ME3: variants seen among roughly 807,000 people sequenced by gnomAD.
The protein encoded by ME3 is malic enzyme 3.
In ME3, 48 loss-of-function variants were observed where a neutral mutation model predicts 68.9. That is an observed-to-expected ratio of 0.70 (90% CI 0.55 to 0.89). The LOEUF (loss-of-function observed/expected upper bound fraction) is 0.89. Among genes scored for constraint, ME3 ranks in the 40% least tolerant of loss-of-function variants. The pLI, the probability that ME3 is intolerant of heterozygous loss-of-function variation, is 0.00. For missense variants in ME3, 675 were observed against 797.4 expected, an observed-to-expected ratio of 0.85 and a Z score of 1.85; for synonymous variants, 320 against 318.8, an observed-to-expected ratio of 1.00 and a Z score of -0.04.
downstream of ME3, chr11:86,436,412 C>G (rs1948897983): frequency 6.6e-6 from 1 of 151,872 alleles, no homozygotes; most frequent in African/African-American, 2.4e-5. Context: ...GATCCAGTGT[C>G]TTCGTCAGAT....
At chr11:86,527,122 G>C (rs556904672) in intron 4 of ME3, among the ~76,000 whole-genome samples, 17 of 152,248 alleles carry the variant, frequency 1.1e-4, no homozygotes, top group African/African-American at 3.9e-4. Context: ...CTTGAAAAAA[G>C]ATTAGACAAA....
chr11:86,494,591 T>G (rs1200224913), intron 6 of ME3, among the ~76,000 whole-genome samples: 1 of 152,008 alleles, frequency 6.6e-6, no homozygotes, highest in East Asian at 1.9e-4. Flanking sequence ...CTCCCTGACA[T>G]AAGGATCAGA....
intron 2 of ME3, among the ~76,000 whole-genome samples, chr11:86,615,419 T>G (rs1028022565): frequency 6.6e-6 from 1 of 152,180 alleles, no homozygotes; most frequent in Non-Finnish European, 1.5e-5. Context: ...ATTTTATGGA[T>G]GAAGAAATGG....
chr11:86,541,297 A>G (rs1203762604), intron 4 of ME3, among the ~76,000 whole-genome samples: 9 of 151,924 alleles, frequency 5.9e-5, no homozygotes, highest in Admixed American at 5.9e-4. Context: ...CAGTGAGAGA[A>G]CCGTTCACTT....
intron 2 of ME3, among the ~76,000 whole-genome samples, chr11:86,586,817 TAAGC>T (rs1011774442): frequency 8.5e-5 from 13 of 152,150 alleles, no homozygotes; most frequent in African/African-American, 3.1e-4. Context: ...AGTGAAATAA[TAAGC>T]AACCTCCATA....
At chr11:86,581,151 A>T (rs185520263) in intron 2 of ME3, among the ~76,000 whole-genome samples, 1 of 152,324 alleles carries the variant, frequency 6.6e-6, no homozygotes, top group East Asian at 1.9e-4. Context: ...TATAGATTTC[A>T]GTAGAAAATA....
intron 2 of ME3, among the ~76,000 whole-genome samples, chr11:86,561,583 A>G (rs1367190011): frequency 6.6e-6 from 1 of 152,156 alleles, no homozygotes; most frequent in Non-Finnish European, 1.5e-5. Context: ...TAGCCCCATC[A>G]CCTTGCTAAA....
chr11:86,467,632 G>T (rs1208749163), intron 7 of ME3, among the ~76,000 whole-genome samples: 1 of 147,010 alleles, frequency 6.8e-6, no homozygotes, highest in Non-Finnish European at 1.5e-5. Context: ...AACGTTTTCT[G>T]TCTCTCTCTG....
At chr11:86,581,275 G>T (rs1185264469) in intron 2 of ME3, among the ~76,000 whole-genome samples, 1 of 152,152 alleles carries the variant, frequency 6.6e-6, no homozygotes, top group African/African-American at 2.4e-5. Context: ...GTACTAGCTT[G>T]TGGTATAAAG....
chr11:86,536,836 C>T (rs1021315942), intron 4 of ME3, among the ~76,000 whole-genome samples: 12 of 152,192 alleles, frequency 7.9e-5, no homozygotes, highest in South Asian at 2.1e-4. Flanking sequence ...CACATGCACA[C>T]GTATGTTTAT....
intron 2 of ME3, among the ~76,000 whole-genome samples, chr11:86,622,457 A>G (rs1414592168): frequency 6.6e-6 from 1 of 151,996 alleles, no homozygotes; most frequent in Non-Finnish European, 1.5e-5. Flanking sequence ...AGTGTCTGTT[A>G]GAACAGGTGG....
At chr11:86,635,854 A>G (rs936393228) in intron 2 of ME3, among the ~76,000 whole-genome samples, 1 of 152,254 alleles carries the variant, frequency 6.6e-6, no homozygotes, top group African/African-American at 2.4e-5. Context: ...CTCATCTTGC[A>G]GACAAGGAAA....
intron 2 of ME3, among the ~76,000 whole-genome samples, chr11:86,627,639 G>C (rs1943744620): frequency 6.6e-6 from 1 of 152,190 alleles, no homozygotes; most frequent in Non-Finnish European, 1.5e-5. Flanking sequence ...CTGCTGATTT[G>C]TGAAGTCTGC....
intron 4 of ME3, among the ~76,000 whole-genome samples, chr11:86,532,917 T>G (rs1307826221): frequency 2.0e-5 from 3 of 152,078 alleles, no homozygotes; most frequent in African/African-American, 2.4e-5. Context: ...GCCGGGCATG[T>G]TTCAGGCGAC....
chr11:86,459,981 G>A (rs988033417), intron 8 of ME3, among the ~76,000 whole-genome samples: 8 of 152,302 alleles, frequency 5.3e-5, no homozygotes, highest in African/African-American at 1.2e-4. Context: ...AGGGACCCAC[G>A]GAAACTGGGT....
chr11:86,608,145 TAGAG>T (rs1236761648), intron 2 of ME3, among the ~76,000 whole-genome samples: 2 of 152,154 alleles, frequency 1.3e-5, no homozygotes, highest in Non-Finnish European at 2.9e-5. Flanking sequence ...AGGTAATTCT[TAGAG>T]AGACAGGGAA....
intron 2 of ME3, among the ~76,000 whole-genome samples, chr11:86,660,496 G>C (rs1946204085): frequency 6.6e-6 from 1 of 152,188 alleles, no homozygotes; most frequent in Non-Finnish European, 1.5e-5. Context: ...CCCTTTCACA[G>C]ACAAGGAAAT....
chr11:86,587,727 G>A (rs1181642730), intron 2 of ME3, among the ~76,000 whole-genome samples: 1 of 152,126 alleles, frequency 6.6e-6, no homozygotes, highest in African/African-American at 2.4e-5. Flanking sequence ...AGAGAAAACT[G>A]GTAGGACATA....
chr11:86,521,404 C>A (rs2511089), intron 4 of ME3, among the ~76,000 whole-genome samples: 21,915 of 107,892 alleles, frequency 0.2, 1,912 homozygotes, highest in African/African-American at 0.26. Flanking sequence ...CAAAAACAAA[C>A]AAACAAAACA....
Sources: gnomAD v4.1 joint callset for allele counts (sites outside exome capture counted in the v4.1 genomes callset) on GRCh38, gnomAD v4.1.1 for gene constraint, MANE v1.5 for transcripts, NCBI Gene and HGNC (gene_info 2026-07-23, HGNC 2026-07-21) for gene names.